Variants in OSGIN1 observed in about 807,000 individuals in gnomAD.
OSGIN1 encodes oxidative stress-induced growth inhibitor 1.
Under a neutral mutation model 20.1 loss-of-function variants are expected in OSGIN1, and 19 were observed. The ratio of observed to expected loss-of-function variants is 0.95; its 90% CI spans 0.66 to 1.39. The LOEUF is 1.39. Among genes scored for constraint, OSGIN1 ranks in the 40% most tolerant of loss-of-function variants. OSGIN1 has a pLI of 0.00. For synonymous variants in OSGIN1, 368 were observed against 297.8 expected, an observed-to-expected ratio of 1.24 and a Z score of -2.43; for missense variants, 820 against 653.0, an observed-to-expected ratio of 1.26 and a Z score of -2.79.
At chr16:83,964,995 CCCGTCCCA>C in intron 5 of OSGIN1, 59 bp from the exon 6 acceptor site, 4 of 671,282 alleles carry the variant, frequency 6.0e-6, no homozygotes, top group Non-Finnish European at 7.7e-6. Context: ...CTGGACATCT[CCCGTCCCA>C]CCCAGCCCCC....
intron 4 of OSGIN1, 27 bp downstream of exon 4, chr16:83,960,787 T>C (rs368041133): frequency 3.1e-6 from 5 of 1,606,694 alleles, no homozygotes; most frequent in Non-Finnish European, 4.3e-6. Flanking sequence ...GGGCATGGCT[T>C]GTGGGGGGCT....
chr16:83,953,264 T>A lies in OSGIN1; in HGVS notation c.-139T>A, dbSNP rs2151073589. 2 of 1,288,222 alleles carry A rather than the reference T, an allele frequency of 1.6e-6. No homozygotes were observed. Among genetic ancestry groups the A allele is most frequent in the African/African-American group, 1.5e-5 (1 of 65,930 alleles). The allele number at this position is 1,288,222 out of a possible 1,614,324, so 79.8% of individuals were successfully genotyped here. On this transcript the variant is annotated 5_prime_UTR_variant, in exon 1 of 6. Transcript: ENST00000393306. ...CAGAGCCTCTTGGATCCCCACAGGG[T>A]AATGGGTGTCCCGATCTCGCGGGGG...
At chr16:83,957,771 C>A (rs201525312) in intron 2 of OSGIN1, 33 bp downstream of exon 2, 257 of 1,310,240 alleles carry the variant, frequency 2.0e-4, no homozygotes, top group Non-Finnish European at 2.6e-4. Context: ...GGAGGGGCTC[C>A]GCTGAGCCTT....
intron 5 of OSGIN1, 139 bp from the exon 6 acceptor site, chr16:83,964,923 T>A: frequency 1.5e-6 from 1 of 647,680 alleles, no homozygotes; most frequent in East Asian, 2.6e-5. Context: ...CTTAGAGAGG[T>A]TGAATTACCT....
At chr16:83,961,183 G>C (rs2084207241) in intron 5 of OSGIN1, 111 bp downstream of exon 5, 1 of 834,594 alleles carries the variant, frequency 1.2e-6, no homozygotes, top group Admixed American at 2.1e-5. Flanking sequence ...CAAGGTTGAG[G>C]ACGCGCCCGT....
chr16:83,960,679 G>T lies in OSGIN1; in HGVS notation c.315G>T (p.Ser105=). 6.2e-7 allele frequency: 1 copy of T among 1,613,610 alleles called. No homozygotes were observed. Among genetic ancestry groups the T allele is most frequent in the Non-Finnish European group, 8.5e-7 (1 of 1,180,034 alleles). The change falls in exon 4 of 6, where the codon TCG becomes TCT. Residue 105 remains serine (S), a synonymous_variant. Coordinates refer to ENST00000393306, the MANE Select transcript of OSGIN1 (RefSeq NM_182981.3). ...PDTDFGGNMK[S]VLTWKHRKEH... ...CAGACTTTGGGGGAAACATGAAGTC[G>T]GTCCTCACCTGGAAGCACCGGAAGG... is the stretch of plus-strand genomic sequence containing the variant.
rs1343271942 is a variant in OSGIN1 at position 83,953,244 on chromosome 16, C to A, written c.-159C>A. On this transcript the variant is annotated 5_prime_UTR_variant, in exon 1 of 6. Coordinates refer to ENST00000393306, the MANE Select transcript of OSGIN1 (RefSeq NM_182981.3). ...CTCACTTCCCTCTGGCCTCTCAGAG[C>A]CTCTTGGATCCCCACAGGGTAATGG... 1 of 1,283,838 alleles carries A rather than the reference C, an allele frequency of 7.8e-7. No homozygotes were observed. Among genetic ancestry groups the A allele is most frequent in the Non-Finnish European group, 1.0e-6 (1 of 985,308 alleles). 79.5% of individuals were successfully genotyped at this position (1,283,838 alleles called of 1,614,324 possible).
At chr16:83,962,019 C>A (rs2084220985) in intron 5 of OSGIN1, among the ~76,000 whole-genome samples, 1 of 150,986 alleles carries the variant, frequency 6.6e-6, no homozygotes, top group African/African-American at 2.4e-5. Context: ...TAACCATGAG[C>A]CCCCAAGTTG....
chr16:83,965,158 T>C lies in OSGIN1; in HGVS notation c.585T>C (p.Gly195=), dbSNP rs1160073392. 6.2e-7 allele frequency: 1 copy of C among 1,613,436 alleles called. No homozygotes were observed. Among genetic ancestry groups the C allele is most frequent in the Non-Finnish European group, 8.5e-7 (1 of 1,180,000 alleles). The stretch of plus-strand genomic sequence containing the variant: ...GTCTGGGGCATAACTTTGTGTCCGG[T>C]GCTGTAGTCACAGCCGTGGAGTGGG... ...KKGLGHNFVS[G]AVVTAVEWGT... is the part of the protein sequence containing the mutation. Residue 195 remains glycine, a synonymous_variant, in exon 6 of 6, where the codon GGT becomes GGC. Transcript: ENST00000393306.
chr16:83,964,753 C>G (rs771564491), intron 5 of OSGIN1, among the ~76,000 whole-genome samples: 1 of 152,204 alleles, frequency 6.6e-6, no homozygotes, highest in African/African-American at 2.4e-5. Flanking sequence ...ACACAGCTCC[C>G]TGATGGCAGA....
In OSGIN1 at chr16:83,957,175, C is replaced by G. The variant is rs1052228113; in HGVS notation, c.-32-465C>G. Reference sequence around the variant, plus strand: ...ATGAGGAAACTGAGACCCAGAGAGGCCCGGGAATGGGATAGGAAGCAACGT... The same window carrying G: ...ATGAGGAAACTGAGACCCAGAGAGGGCCGGGAATGGGATAGGAAGCAACGT... On this transcript the variant is annotated intron_variant, in intron 1 of 5. Transcript: ENST00000393306. 9 of 159,282 alleles carry G rather than the reference C, an allele frequency of 5.7e-5. No homozygotes were observed. In the South Asian group the frequency reaches 1.4e-3, roughly 25 times the overall value. 9.9% of individuals were successfully genotyped at this position (159,282 alleles called of 1,614,324 possible).
intron 1 of OSGIN1, among the ~76,000 whole-genome samples, chr16:83,956,690 C>T (rs1191987395): frequency 2.6e-5 from 4 of 152,144 alleles, no homozygotes; most frequent in African/African-American, 4.8e-5. Flanking sequence ...CAGCGTGAGG[C>T]GGATATGAGA....
chr16:83,958,402 G>C lies in OSGIN1; in HGVS notation c.67+664G>C, dbSNP rs575422969. ...CTACCCTGTGCCCAGCACTGTGCTAGGTGCCCACATGAGAGGACACACAGT... is the reference window on the plus strand; with the variant it reads ...CTACCCTGTGCCCAGCACTGTGCTACGTGCCCACATGAGAGGACACACAGT... On this transcript the variant is annotated intron_variant, in intron 2 of 5. Transcript: ENST00000393306. 1.1e-4 allele frequency among the ~76,000 whole-genome samples: 16 copies of C among 152,338 alleles called. No individual in the cohort carries two copies. In the South Asian group the frequency reaches 3.3e-3, roughly 32 times the overall value.
chr16:83,959,508 CA>C, intron 3 of OSGIN1, 112 bp downstream of exon 3: 1 of 1,109,542 alleles, frequency 9.0e-7, no homozygotes, highest in Non-Finnish European at 1.3e-6. Context: ...CAAGACTAAA[CA>C]AAGAATTCGA....
Position 83,965,560 on chromosome 16 carries a change from G to T in OSGIN1, c.987G>T (p.Leu329=), listed in dbSNP as rs1031385317. Residue 329 remains leucine (L), a synonymous_variant, in exon 6 of 6, where the codon CTG becomes CTT. Coordinates refer to ENST00000393306, the MANE Select transcript of OSGIN1 (RefSeq NM_182981.3). ...VDDPGLVFNQ[L]PKMLYPEYHK... ...ACCCTGGCCTGGTGTTCAACCAGCT[G>T]CCCAAGATGCTGTACCCCGAGTACC... 3 of 1,612,776 alleles carry T rather than the reference G, an allele frequency of 1.9e-6. No individual in the cohort carries two copies. Among genetic ancestry groups the T allele is most frequent in the Non-Finnish European group, 1.7e-6 (2 of 1,180,032 alleles).
intron 5 of OSGIN1, 64 bp from the exon 6 acceptor site, chr16:83,964,998 G>GGAC: frequency 2.0e-6 from 1 of 498,780 alleles, no homozygotes; most frequent in Non-Finnish European, 3.9e-6. Flanking sequence ...GACATCTCCC[G>GGAC]TCCCACCCAG....
rs1909167596 is a variant in OSGIN1, at chr16:83,960,697, C to T, written c.333C>T (p.His111=). 1 of 1,613,602 alleles carries T rather than the reference C, an allele frequency of 6.2e-7. No individual in the cohort carries two copies. The highest frequency in any genetic ancestry group is 8.5e-7 in the Non-Finnish European group (1 of 1,180,044). The change falls in exon 4 of 6, where the codon CAC becomes CAT. Residue 111 remains histidine, a synonymous_variant. Coordinates refer to ENST00000393306, the MANE Select transcript of OSGIN1 (RefSeq NM_182981.3). ...TGAAGTCGGTCCTCACCTGGAAGCA[C>T]CGGAAGGAGCACGCCATCCCCCACG... ...GNMKSVLTWK[H]RKEHAIPHVV...
intron 2 of OSGIN1, among the ~76,000 whole-genome samples, chr16:83,958,792 C>T (rs2151076262): frequency 6.6e-6 from 1 of 152,350 alleles, no homozygotes; most frequent in Non-Finnish European, 1.5e-5. Flanking sequence ...CGCCCCCAGG[C>T]CACGTAGCAA....
At chr16:83,953,395 G>A (rs975152198) in intron 1 of OSGIN1, 25 bp downstream of exon 1, 1 of 1,288,342 alleles carries the variant, frequency 7.8e-7, no homozygotes, top group Admixed American at 2.3e-5. Flanking sequence ...CCAGGTTCCG[G>A]GGCAGGGAAT....
Sources: gnomAD v4.1 joint callset for allele counts (sites outside exome capture counted in the v4.1 genomes callset) on GRCh38, gnomAD v4.1.1 for gene constraint, MANE v1.5 for transcripts, NCBI Gene and HGNC (gene_info 2026-07-23, HGNC 2026-07-21) for gene names.